Variants in TASOR observed in about 807,000 individuals in gnomAD.
The protein encoded by TASOR is protein TASOR.
Under a neutral mutation model 178.6 loss-of-function variants are expected in TASOR, and 53 were observed. The ratio of observed to expected loss-of-function variants is 0.30; its 90% CI spans 0.24 to 0.37. The LOEUF (loss-of-function observed/expected upper bound fraction) is 0.37. TASOR is among the 10% of genes least tolerant of loss of function. The probability of loss-of-function intolerance (pLI) is 1.00; values close to 1 mark genes in which losing one functional copy is unlikely to be tolerated. For missense variants in TASOR, 1,815 were observed against 1,971.4 expected (o/e 0.92, Z 1.50); for synonymous variants, 713 against 696.2 (o/e 1.02, Z -0.38).
intron 20 of TASOR, 121 bp downstream of exon 20, chr3:56,627,461 A>G (rs1264023247): frequency 1.8e-6 from 2 of 1,113,374 alleles, no homozygotes; most frequent in East Asian, 2.4e-5. Flanking sequence ...TTGAGGTAAT[A>G]AAAGCTCAAG....
chr3:56,672,576 G>A (rs1462816140), intron 2 of TASOR, among the ~76,000 whole-genome samples: 1 of 152,142 alleles, frequency 6.6e-6, no homozygotes, highest in Non-Finnish European at 1.5e-5. Flanking sequence ...ATTCTAATTT[G>A]TACATGAAAC....
chr3:56,661,219 T>C (rs551484555), intron 9 of TASOR, among the ~76,000 whole-genome samples: 1 of 152,222 alleles, frequency 6.6e-6, no homozygotes, highest in African/African-American at 2.4e-5. Context: ...CGATCACAGC[T>C]CACTGCAGCT....
intron 14 of TASOR, among the ~76,000 whole-genome samples, chr3:56,645,012 G>A (rs931580744): frequency 5.3e-5 from 8 of 152,150 alleles, no homozygotes; most frequent in African/African-American, 1.7e-4. Flanking sequence ...GGTGGCTGAC[G>A]ACTGTAATCC....
At position 56,636,473 on chromosome 3, in the gene TASOR, C is replaced by CA. The variant is rs1553723443; in HGVS notation, c.2824+2232_2824+2233insT. On this transcript the variant is annotated intron_variant, in intron 17 of 23. Transcript: ENST00000683822. The stretch of plus-strand genomic sequence containing the variant: ...AGGCTGGAGTGCAGTGGTGAGATCT[C>CA]GGCTCACTGCAACCTCCACCTCCCA... Among the ~76,000 whole-genome samples, 7 of 150,356 alleles carry CA rather than the reference C, an allele frequency of 4.7e-5. No individual in the cohort carries two copies. The East Asian group carries it at 7.9e-4, about 17-fold the overall frequency.
rs1312401501 is a variant in TASOR, at chr3:56,653,273, AAAAAAAAAAAAAAAAAG to A, written c.1369-4233_1369-4217del. Among the ~76,000 whole-genome samples, 494 of 120,002 alleles carry A rather than the reference AAAAAAAAAAAAAAAAAG, an allele frequency of 4.1e-3. 24 individuals carry two copies. Among genetic ancestry groups the A allele is most frequent in the African/African-American group, 0.019 (455 of 23,906 alleles). 78.7% of individuals were successfully genotyped at this position (120,002 alleles called of 152,430 possible). ...GTGAGACTCCATCTCAAAAAAAAAA[AAAAAAAAAAAAAAAAAG>A]AAAAGACAAGCTAAAGAAAATGAGG... On this transcript the variant is annotated intron_variant, in intron 11 of 23. Coordinates refer to ENST00000683822, the MANE Select transcript of TASOR (RefSeq NM_001365635.2).
chr3:56,660,851 A>G lies in TASOR; in HGVS notation c.1265-17T>C. The stretch of plus-strand genomic sequence containing the variant: ...TCTTCAAAACTGACATAAGAAAAAT[A>G]CATAGTAAATATCCAAATCAAGTCT... On this transcript the variant is annotated splice_polypyrimidine_tract_variant and intron_variant, in intron 10 of 23. Transcript: ENST00000683822. 6.2e-7 allele frequency: 1 copy of G among 1,610,874 alleles called. No homozygotes were observed. The highest frequency in any genetic ancestry group is 8.5e-7 in the Non-Finnish European group (1 of 1,178,150).
rs759440240 is a variant in TASOR, at chr3:56,682,847, C to T, written c.160G>A (p.Gly54Ser). 6.5e-6 allele frequency: 10 copies of T among 1,550,172 alleles called. No individual in the cohort carries two copies. The highest frequency in any genetic ancestry group is 4.9e-5 in the East Asian group (2 of 40,854). The change falls in exon 1 of 24, where the codon GGC becomes AGC. Residue 54 changes from glycine to serine, a missense_variant. This residue lies in a region of TASOR where 244 missense variants were observed against 202.7 expected (regional missense o/e 1.20). Coordinates refer to ENST00000683822, the MANE Select transcript of TASOR (RefSeq NM_001365635.2). Reference protein sequence around the residue: ...GGLNIAEPSGGAGREENAGAE... With the variant: ...GGLNIAEPSGSAGREENAGAE... ...CCCGCGTTCTCCTCACGCCCAGCGC[C>T]GCCGCTGGGCTCAGCGATGTTGAGG...
intron 9 of TASOR, among the ~76,000 whole-genome samples, chr3:56,661,416 A>G (rs1178999798): frequency 3.3e-5 from 5 of 152,142 alleles, no homozygotes; most frequent in African/African-American, 1.2e-4. Flanking sequence ...TCAGCCTCCC[A>G]AAGTGTTGGG....
At chr3:56,663,659 T>A in intron 7 of TASOR, 87 bp from the exon 8 acceptor site, 1 of 1,194,566 alleles carries the variant, frequency 8.4e-7, no homozygotes, top group Non-Finnish European at 1.1e-6. Flanking sequence ...GTGCAATTTT[T>A]AATGGCATAC....
intron 16 of TASOR, among the ~76,000 whole-genome samples, chr3:56,639,539 G>C (rs1353058018): frequency 1.3e-5 from 2 of 152,158 alleles, no homozygotes; most frequent in African/African-American, 4.8e-5. Context: ...CCAGTATTAA[G>C]AAATCAAATT....
chr3:56,640,078 C>T lies in TASOR; in HGVS notation c.2672G>A (p.Ser891Asn). ...ACGAAATCCATGTTCAATGGGAACA[C>T]TGGGACACAAACTGCAATCTTCAAA... ...NNFEDCSLCP[S>N]VPIEHGFRRQ... Residue 891 changes from serine (S) to asparagine (N), a missense_variant, in exon 16 of 24, where the codon AGT becomes AAT. Ser to Asn is a conservative substitution (Grantham distance 46, BLOSUM62 1). Transcript: ENST00000683822. 3.1e-6 allele frequency: 5 copies of T among 1,613,480 alleles called. No homozygotes were observed. The East Asian group carries it at 8.9e-5, about 29-fold the overall frequency.
At chr3:56,632,709 T>C (rs889387436) in intron 18 of TASOR, among the ~76,000 whole-genome samples, 3 of 152,140 alleles carry the variant, frequency 2.0e-5, no homozygotes, top group Non-Finnish European at 2.9e-5. Context: ...GGCACAATCA[T>C]AGCTAACTGT....
At chr3:56,646,409 A>C in intron 14 of TASOR, 113 bp downstream of exon 14, 1 of 819,644 alleles carries the variant, frequency 1.2e-6, no homozygotes, top group Non-Finnish European at 1.9e-6. Flanking sequence ...CTTTACAAAA[A>C]TAGTGGACAG....
At chr3:56,673,363 C>A (rs576214203) in intron 2 of TASOR, among the ~76,000 whole-genome samples, 5 of 138,016 alleles carry the variant, frequency 3.6e-5, no homozygotes, top group African/African-American at 1.1e-4. Context: ...ACCAGGGAGG[C>A]AGAGGCTGTA....
chr3:56,654,565 A>G (rs780426541), intron 11 of TASOR, among the ~76,000 whole-genome samples: 7 of 152,076 alleles, frequency 4.6e-5, no homozygotes, highest in East Asian at 1.9e-4. Flanking sequence ...ATTTGATCAA[A>G]TATTTTTCTG....
At chr3:56,627,507 A>G in intron 20 of TASOR, 75 bp downstream of exon 20, 1 of 1,475,976 alleles carries the variant, frequency 6.8e-7, no homozygotes, top group African/African-American at 1.4e-5. Flanking sequence ...TGTGAATGGC[A>G]GAATAAATGG....
In TASOR at chr3:56,666,313, C is replaced by T; in HGVS notation, c.969G>A (p.Val323=). 6.5e-7 allele frequency: 1 copy of T among 1,547,340 alleles called. No individual in the cohort carries two copies. The highest frequency in any genetic ancestry group is 8.7e-7 in the Non-Finnish European group (1 of 1,145,142). Residue 323 remains valine (V), a synonymous_variant, in exon 7 of 24, where the codon GTG becomes GTA. Coordinates refer to ENST00000683822, the MANE Select transcript of TASOR (RefSeq NM_001365635.2). ...RPRHVCPYAV[V]SFTYKDDIQT... ...GTATATCATCTTTGTAAGTAAAAGA[C>T]ACAACTGCATATGGACAAACGTGTC...
chr3:56,637,374 C>G (rs2077038443), intron 17 of TASOR, among the ~76,000 whole-genome samples: 1 of 152,106 alleles, frequency 6.6e-6, no homozygotes, highest in Admixed American at 6.6e-5. Context: ...CTACAAAAAT[C>G]AGCCGGGTGC....
intron 1 of TASOR, 41 bp downstream of exon 1, chr3:56,682,635 G>C: frequency 1.4e-6 from 2 of 1,414,560 alleles, no homozygotes; most frequent in Non-Finnish European, 1.9e-6. Context: ...AAAAGATGGA[G>C]GGGAGAGAGA....
Sources: gnomAD v4.1 joint callset for allele counts (sites outside exome capture counted in the v4.1 genomes callset) on GRCh38, gnomAD v4.1.1 for gene constraint, gnomAD v4.1.1 regional missense constraint, MANE v1.5 for transcripts, NCBI Gene and HGNC (gene_info 2026-07-23, HGNC 2026-07-21) for gene names.